The following ARK2C variants were observed in gnomAD, a reference collection of about 807,000 sequenced individuals.
The protein encoded by ARK2C is arkadia (RNF111) C-terminal like ring finger ubiquitin ligase 2C, also known as E3 ubiquitin-protein ligase ARK2C.
At chr18:46,378,256 C>A in the ARK2C span, among the ~76,000 whole-genome samples, 1 of 152,294 alleles carries the variant, frequency 6.6e-6, no homozygotes, top group African/African-American at 2.4e-5. Flanking sequence ...CCCTTGCGTG[C>A]CCTAGCTCTA....
chr18:46,429,569 T>C, the ARK2C span, among the ~76,000 whole-genome samples: 5 of 152,222 alleles, frequency 3.3e-5, no homozygotes, highest in Non-Finnish European at 5.9e-5. Flanking sequence ...ATTGTTAATA[T>C]AGAAATGATG....
the ARK2C span, among the ~76,000 whole-genome samples, chr18:46,452,753 C>T: frequency 6.6e-6 from 1 of 152,074 alleles, no homozygotes; most frequent in African/African-American, 2.4e-5. Context: ...ATTGTCAAGC[C>T]AAGGACCGTC....
the ARK2C span, among the ~76,000 whole-genome samples, chr18:46,438,002 G>A: frequency 6.6e-6 from 1 of 152,220 alleles, no homozygotes; most frequent in South Asian, 2.1e-4. Context: ...GGATGGTGCT[G>A]GCACTCGTAG....
At chr18:46,365,248 G>C in the ARK2C span, among the ~76,000 whole-genome samples, 3 of 152,196 alleles carry the variant, frequency 2.0e-5, no homozygotes, top group Non-Finnish European at 4.4e-5. Context: ...AGGCTCCCAT[G>C]TGGGCTCTTC....
the ARK2C span, among the ~76,000 whole-genome samples, chr18:46,346,258 G>C: frequency 1.3e-5 from 2 of 152,200 alleles, no homozygotes; most frequent in Non-Finnish European, 2.9e-5. Context: ...ATCTTCTGAG[G>C]GGGGCACAGG....
At chr18:46,384,458 A>G in the ARK2C span, among the ~76,000 whole-genome samples, 2 of 152,272 alleles carry the variant, frequency 1.3e-5, no homozygotes, top group South Asian at 2.1e-4. Context: ...CTTAAAATAT[A>G]TCTGGTGGCG....
At chr18:46,367,713 G>A in the ARK2C span, among the ~76,000 whole-genome samples, 1 of 152,212 alleles carries the variant, frequency 6.6e-6, no homozygotes, top group East Asian at 1.9e-4. Context: ...GTCCCCACCA[G>A]TAGCCTGTGA....
At chr18:46,416,474 G>A in the ARK2C span, among the ~76,000 whole-genome samples, 1 of 152,200 alleles carries the variant, frequency 6.6e-6, no homozygotes, top group East Asian at 1.9e-4. Context: ...TTCTCTTTAA[G>A]CATTCAGATT....
At chr18:46,422,759 C>A in the ARK2C span, among the ~76,000 whole-genome samples, 1 of 152,216 alleles carries the variant, frequency 6.6e-6, no homozygotes, top group African/African-American at 2.4e-5. Context: ...CCAGGTCACA[C>A]CCCCGCCCTT....
chr18:46,384,355 G>GT, the ARK2C span, among the ~76,000 whole-genome samples: 19 of 152,342 alleles, frequency 1.2e-4, no homozygotes, highest in African/African-American at 4.6e-4. Flanking sequence ...ATGTATGTGT[G>GT]TGGGGGGGAT....
chr18:46,433,164 G>A, the ARK2C span: 1 of 1,533,138 alleles, frequency 6.5e-7, no homozygotes. Flanking sequence ...GGTCGTCATG[G>A]AGATGTCTCT....
chr18:46,395,108 G>C, the ARK2C span, among the ~76,000 whole-genome samples: 9 of 152,188 alleles, frequency 5.9e-5, no homozygotes, highest in African/African-American at 2.2e-4. Context: ...CTGACTAGCT[G>C]GACTCCCATT....
the ARK2C span, among the ~76,000 whole-genome samples, chr18:46,399,020 C>G: frequency 1.3e-5 from 2 of 152,108 alleles, no homozygotes; most frequent in Non-Finnish European, 2.9e-5. Flanking sequence ...TGAGTTACCA[C>G]GACACCCGGG....
chr18:46,456,231 G>T, the ARK2C span: 3 of 649,288 alleles, frequency 4.6e-6, no homozygotes, highest in Admixed American at 2.5e-5. Flanking sequence ...GCCCTGGGAA[G>T]GTGGGGTATG....
the ARK2C span, among the ~76,000 whole-genome samples, chr18:46,425,170 C>A: frequency 6.6e-6 from 1 of 152,232 alleles, no homozygotes; most frequent in South Asian, 2.1e-4. Context: ...CAGCGGGAAA[C>A]CTGACACCTG....
chr18:46,377,278 G>T, the ARK2C span, among the ~76,000 whole-genome samples: 2 of 152,334 alleles, frequency 1.3e-5, no homozygotes, highest in East Asian at 3.9e-4. Flanking sequence ...ACTTGAGATT[G>T]ACAGTTCATG....
the ARK2C span, chr18:46,450,425 C>A: frequency 6.5e-7 from 1 of 1,533,602 alleles, no homozygotes; most frequent in Non-Finnish European, 9.0e-7. Flanking sequence ...CTGGTACCAA[C>A]TGGGTTGGTG....
the ARK2C span, chr18:46,450,600 G>A: frequency 1.1e-6 from 1 of 916,268 alleles, no homozygotes; most frequent in South Asian, 1.4e-5. Flanking sequence ...TGATAGCTAT[G>A]TGAATGCTTC....
At chr18:46,444,203 C>T in the ARK2C span, among the ~76,000 whole-genome samples, 4 of 152,000 alleles carry the variant, frequency 2.6e-5, no homozygotes, top group Non-Finnish European at 5.9e-5. Flanking sequence ...TACTATTTTT[C>T]AGGAATTAGA....
Sources: allele counts gnomAD v4.1 joint callset (sites outside exome capture counted in the v4.1 genomes callset), GRCh38; gene constraint gnomAD v4.1.1; transcripts MANE v1.5; gene names NCBI Gene and HGNC (gene_info 2026-07-23, HGNC 2026-07-21).